The following EP300 variants were observed in gnomAD, a reference collection of about 807,000 sequenced individuals.
EP300 encodes histone acetyltransferase p300.
Under a neutral mutation model 264.0 loss-of-function variants are expected in EP300, and 31 were observed. That is an observed-to-expected ratio of 0.12 (90% CI 0.09 to 0.16). The LOEUF (loss-of-function observed/expected upper bound fraction) is 0.16, where lower values mean the gene tolerates loss of function less well. EP300 is among the 10% of genes least tolerant of loss of function. EP300 has a pLI of 1.00. For synonymous variants in EP300, 1,340 were observed against 1,045.4 expected, an observed-to-expected ratio of 1.28 and a Z score of -5.44; for missense variants, 2,766 against 3,052.9, an observed-to-expected ratio of 0.91 and a Z score of 2.21.
chr22:41,107,139 T>C (rs1240560555), intron 1 of EP300, among the ~76,000 whole-genome samples: 1 of 151,986 alleles, frequency 6.6e-6, no homozygotes, highest in East Asian at 1.9e-4. Flanking sequence ...ACTCCTGATC[T>C]CCGCCAGCCT....
intron 2 of EP300, among the ~76,000 whole-genome samples, chr22:41,119,201 T>A (rs1166677521): frequency 1.0e-4 from 15 of 145,372 alleles, no homozygotes; most frequent in African/African-American, 3.8e-4. Context: ...TTTTTTTTTT[T>A]AAGAGATGGG....
Position 41,131,435 on chromosome 22 carries a change from G to C in EP300, c.1330G>C (p.Gly444Arg). 6.2e-7 allele frequency: 1 copy of C among 1,614,044 alleles called. No individual in the cohort carries two copies. Among genetic ancestry groups the C allele is most frequent in the Non-Finnish European group, 8.5e-7 (1 of 1,180,016 alleles). The change falls in exon 6 of 31, where the codon GGG (glycine) becomes CGG (arginine). Residue 444 changes from glycine (G) to arginine (R), a missense_variant. Coordinates refer to ENST00000263253, the MANE Select transcript of EP300 (RefSeq NM_001429.4). ...PVGLGNPSSL[G>R]VGQQSAPNLS... is the part of the protein sequence containing the mutation. Reference sequence around the variant, plus strand: ...TGGACTTGGAAATCCTAGCTCTCTAGGGGTGGGTCAACAGTCTGCCCCCAA... The same window carrying C: ...TGGACTTGGAAATCCTAGCTCTCTACGGGTGGGTCAACAGTCTGCCCCCAA...
At chr22:41,114,634 T>C (rs754605380) in intron 1 of EP300, among the ~76,000 whole-genome samples, 1 of 152,224 alleles carries the variant, frequency 6.6e-6, no homozygotes, top group Non-Finnish European at 1.5e-5. Context: ...TATATGACCA[T>C]GTGCTTACTA....
rs1431642273 is a variant in EP300 at position 41,146,725 on chromosome 22, C to T, written c.2054-14C>T. The T allele has an allele frequency of 6.2e-6, 10 of 1,613,448 alleles. No homozygotes were observed. Among genetic ancestry groups the T allele is most frequent in the Non-Finnish European group, 8.5e-6 (10 of 1,179,516 alleles). The stretch of plus-strand genomic sequence containing the variant: ...AGATGGTGCAAAGATACTTATTTCT[C>T]TTTTTTACTCTAGATGGCCCTCTAC... On this transcript the variant is annotated splice_polypyrimidine_tract_variant and intron_variant, in intron 10 of 30. Coordinates refer to ENST00000263253, the MANE Select transcript of EP300 (RefSeq NM_001429.4).
chr22:41,102,024 C>CTT (rs2058734555), intron 1 of EP300, among the ~76,000 whole-genome samples: 1 of 126,608 alleles, frequency 7.9e-6, no homozygotes, highest in African/African-American at 2.8e-5. Flanking sequence ...GCTTTTTTTT[C>CTT]TTTTCTTTTT....
At chr22:41,127,419 A>G (rs1398586076) in intron 3 of EP300, 68 bp from the exon 4 acceptor site, 4 of 1,592,960 alleles carry the variant, frequency 2.5e-6, no homozygotes, top group Non-Finnish European at 3.4e-6. Context: ...GAAAATATCC[A>G]CATCTCTATT....
chr22:41,138,122 A>T (rs1381598187), intron 8 of EP300, among the ~76,000 whole-genome samples: 1 of 152,168 alleles, frequency 6.6e-6, no homozygotes, highest in Non-Finnish European at 1.5e-5. Flanking sequence ...TCATTAAAAT[A>T]TTGCATTGAT....
chr22:41,144,509 A>G (rs2059000183), intron 10 of EP300, among the ~76,000 whole-genome samples: 1 of 151,790 alleles, frequency 6.6e-6, no homozygotes, highest in African/African-American at 2.4e-5. Flanking sequence ...ACACGCCACC[A>G]TGCCTGGCTA....
chr22:41,135,658 C>G (rs2058946337), intron 6 of EP300, among the ~76,000 whole-genome samples, 155 bp from the exon 7 acceptor site: 1 of 151,958 alleles, frequency 6.6e-6, no homozygotes, highest in Non-Finnish European at 1.5e-5. Flanking sequence ...TCAAATCAGC[C>G]TTTACATATG....
At chr22:41,121,860 T>C (rs2058853785) in intron 2 of EP300, among the ~76,000 whole-genome samples, 1 of 152,216 alleles carries the variant, frequency 6.6e-6, no homozygotes, top group Non-Finnish European at 1.5e-5. Context: ...TTTTATTGTT[T>C]GTCATGCGGG....
chr22:41,102,039 T>TC (rs60820385), intron 1 of EP300, among the ~76,000 whole-genome samples: 5 of 151,250 alleles, frequency 3.3e-5, no homozygotes, highest in African/African-American at 1.2e-4. Context: ...CTTTTTTTTT[T>TC]TTTTTTTAGT....
At chr22:41,109,700 T>C (rs2058777979) in intron 1 of EP300, among the ~76,000 whole-genome samples, 1 of 152,012 alleles carries the variant, frequency 6.6e-6, no homozygotes, top group Admixed American at 6.6e-5. Context: ...GGAAACAAGG[T>C]TATCCCTGCA....
At chr22:41,158,711 C>T (rs935647700) in intron 19 of EP300, 1 of 547,786 alleles carries the variant, frequency 1.8e-6, no homozygotes, top group African/African-American at 1.9e-5. Context: ...CTGGGTTCCT[C>T]CCAAGAGCTT....
At chr22:41,101,519 C>T (rs977749999) in intron 1 of EP300, among the ~76,000 whole-genome samples, 1 of 151,060 alleles carries the variant, frequency 6.6e-6, no homozygotes, top group Non-Finnish European at 1.5e-5. Context: ...TCATGCCATT[C>T]TCCTGCCTCA....
intron 1 of EP300, among the ~76,000 whole-genome samples, chr22:41,099,177 G>C (rs1199206621): frequency 6.6e-6 from 1 of 151,942 alleles, no homozygotes; most frequent in African/African-American, 2.4e-5. Flanking sequence ...CGATTCTCCT[G>C]CTCAGCCTCC....
chr22:41,168,957 T>C lies in EP300; in HGVS notation c.4172+90T>C, dbSNP rs562189949. ...AAAGCATAACAGGCAAGAAAATGTT[T>C]AGTGTGTTTGGTTTGGAAATGCAAA... On this transcript the variant is annotated intron_variant, in intron 25 of 30. Transcript: ENST00000263253. 5.7e-6 allele frequency: 9 copies of C among 1,578,950 alleles called. No homozygotes were observed. In the South Asian group the frequency reaches 6.7e-5, roughly 12 times the overall value.
chr22:41,137,348 C>CT (rs1301728778), intron 7 of EP300, among the ~76,000 whole-genome samples: 1 of 84,184 alleles, frequency 1.2e-5, no homozygotes. Context: ...CAGAGCAAGA[C>CT]TTTGTCTCAA....
rs373634696 is a variant in EP300, at chr22:41,158,395, A to C, written c.3502-17A>C. On this transcript the variant is annotated splice_polypyrimidine_tract_variant and intron_variant, in intron 18 of 30. Transcript: ENST00000263253. Reference sequence around the variant, plus strand: ...CTTAAGGCCTCTGTGCTTTTTAACAAATGGTTTCTTTTGCAGTTGGAGTTC... The same window carrying C: ...CTTAAGGCCTCTGTGCTTTTTAACACATGGTTTCTTTTGCAGTTGGAGTTC... 4 of 1,612,806 alleles carry C rather than the reference A, an allele frequency of 2.5e-6. No homozygotes were observed. Among genetic ancestry groups the C allele is most frequent in the Non-Finnish European group, 3.4e-6 (4 of 1,179,108 alleles).
At chr22:41,172,802 G>C in intron 28 of EP300, 139 bp downstream of exon 28, 1 of 926,476 alleles carries the variant, frequency 1.1e-6, no homozygotes, top group South Asian at 1.5e-5. Flanking sequence ...TATTGGCTTA[G>C]AGAGGTTATT....
Sources: gnomAD v4.1 joint callset for allele counts (sites outside exome capture counted in the v4.1 genomes callset) on GRCh38, gnomAD v4.1.1 for gene constraint, MANE v1.5 for transcripts, NCBI Gene and HGNC (gene_info 2026-07-23, HGNC 2026-07-21) for gene names.